The following RCOR1 variants were observed in gnomAD, a reference collection of about 807,000 sequenced individuals.
The protein encoded by RCOR1 is REST corepressor.
RCOR1 carries 12 observed loss-of-function variants against 64.0 expected under a neutral mutation model. That is an observed-to-expected ratio of 0.19 (90% CI 0.12 to 0.30). The LOEUF is 0.30. Among genes scored for constraint, RCOR1 ranks in the 10% least tolerant of loss-of-function variants. The pLI is 1.00. For synonymous variants in RCOR1, 279 were observed against 227.2 expected, an observed-to-expected ratio of 1.23 and a Z score of -2.05; for missense variants, 502 against 621.2, an observed-to-expected ratio of 0.81 and a Z score of 2.04.
At chr14:102,692,653 C>T (rs184205033) in intron 3 of RCOR1, among the ~76,000 whole-genome samples, 21 of 151,634 alleles carry the variant, frequency 1.4e-4, no homozygotes, top group South Asian at 4.2e-4. Context: ...AAAATTAAAC[C>T]GAGTTTTGAT....
At chr14:102,647,091 T>C (rs963131886) in intron 2 of RCOR1, among the ~76,000 whole-genome samples, 2 of 152,014 alleles carry the variant, frequency 1.3e-5, no homozygotes, top group African/African-American at 4.8e-5. Context: ...AAATCACAAA[T>C]CTCCACATTG....
At position 102,593,009 on chromosome 14, in the gene RCOR1, AGCCGCCACT is replaced by A. The variant is rs1420840474; in HGVS notation, c.130_138del (p.Thr44_Ala46del). The stretch of plus-strand genomic sequence containing the variant: ...CCGCCTCGGCCGCCTGCGCCTCGCC[AGCCGCCACT>A]GCCGCCTCGGGCGCCGCCGCCTCCT... On this transcript the variant is annotated inframe_deletion, in exon 1 of 12. Coordinates refer to ENST00000262241, the MANE Select transcript of RCOR1 (RefSeq NM_015156.4). The A allele has an allele frequency of 9.1e-5, 109 of 1,203,498 alleles. 1 individual carries two copies. Among genetic ancestry groups the A allele is most frequent in the Non-Finnish European group, 6.2e-6 (6 of 967,388 alleles). The allele number at this position is 1,203,498 out of a possible 1,614,324, so 74.6% of individuals were successfully genotyped here.
chr14:102,714,423 G>T lies in RCOR1; in HGVS notation c.859G>T (p.Val287Phe). Residue 287 changes from valine (V) to phenylalanine (F), a missense_variant and splice_region_variant, in exon 8 of 12, where the codon GTT becomes TTT. By Grantham distance (50) the Val-to-Phe change is conservative (BLOSUM62 -1). This residue lies in a region of RCOR1 where 260 missense variants were observed against 416.4 expected (regional missense o/e 0.62). Coordinates refer to ENST00000262241, the MANE Select transcript of RCOR1 (RefSeq NM_015156.4). ...TTCATCACCTGTGTATATCATGCAGGTTCCCCCTACTGAGACAGTTCCTCA... is the reference window on the plus strand; with the variant it reads ...TTCATCACCTGTGTATATCATGCAGTTTCCCCCTACTGAGACAGTTCCTCA... ...VDQNKESKKE[V>F]PPTETVPQVK... The T allele has an allele frequency of 6.3e-7, 1 of 1,594,490 alleles. No homozygotes were observed. Among genetic ancestry groups the T allele is most frequent in the Non-Finnish European group, 8.6e-7 (1 of 1,168,734 alleles).
intron 2 of RCOR1, among the ~76,000 whole-genome samples, chr14:102,676,805 C>T (rs1178943592): frequency 1.7e-4 from 14 of 84,264 alleles, no homozygotes; most frequent in African/African-American, 6.6e-4. Flanking sequence ...TAGGGGCGGC[C>T]GGGCAGAGGC....
intron 2 of RCOR1, among the ~76,000 whole-genome samples, chr14:102,607,665 C>T (rs185249835): frequency 9.0e-4 from 137 of 152,094 alleles, no homozygotes; most frequent in African/African-American, 2.8e-3. Flanking sequence ...GGGCAGATCA[C>T]GAGGTCAGGA....
intron 2 of RCOR1, chr14:102,657,109 T>C: frequency 1.0e-6 from 1 of 984,748 alleles, no homozygotes; most frequent in Admixed American, 6.2e-5. Context: ...TTTTTTTTTT[T>C]TCCTTATATA....
At chr14:102,648,855 A>C (rs1336541122) in intron 2 of RCOR1, among the ~76,000 whole-genome samples, 1 of 152,192 alleles carries the variant, frequency 6.6e-6, no homozygotes, top group Non-Finnish European at 1.5e-5. Context: ...GGATAAGGTG[A>C]AGGGAATTCT....
At chr14:102,702,493 TA>T (rs2139979428) in intron 4 of RCOR1, among the ~76,000 whole-genome samples, 1 of 149,850 alleles carries the variant, frequency 6.7e-6, no homozygotes, top group Admixed American at 6.6e-5. Context: ...AACATATAAA[TA>T]TATATAATTT....
At chr14:102,700,392 T>C (rs1895733295) in intron 3 of RCOR1, among the ~76,000 whole-genome samples, 1 of 152,168 alleles carries the variant, frequency 6.6e-6, no homozygotes, top group South Asian at 2.1e-4. Flanking sequence ...TGGCTAATTT[T>C]TGTATTTTTA....
intron 2 of RCOR1, among the ~76,000 whole-genome samples, chr14:102,665,446 A>G (rs1894900620): frequency 6.6e-6 from 1 of 151,586 alleles, no homozygotes. Context: ...TATTAAGTGC[A>G]TTTTTGGATT....
At position 102,728,210 on chromosome 14, in the gene RCOR1, A is replaced by G. The variant is rs537141200; in HGVS notation, c.*1704A>G. The G allele has an allele frequency of 2.6e-5, 4 of 152,164 alleles. No homozygotes were observed. Among genetic ancestry groups the G allele is most frequent in the Admixed American group, 2.6e-4 (4 of 15,278 alleles). 9.4% of individuals were successfully genotyped at this position (152,164 alleles called of 1,614,324 possible). A position where few individuals can be genotyped will look rare whatever the true frequency, so the allele number is the denominator to read the frequency against. On this transcript the variant is annotated 3_prime_UTR_variant, in exon 12 of 12. Transcript: ENST00000262241. ...ATAGTCTGGAGAGAAAGGTCATTCAAAAGGAAAGTACAATGGGACTTGCTG... is the reference window on the plus strand; with the variant it reads ...ATAGTCTGGAGAGAAAGGTCATTCAGAAGGAAAGTACAATGGGACTTGCTG...
At position 102,673,775 on chromosome 14, in the gene RCOR1, C is replaced by T. The variant is rs77599236; in HGVS notation, c.362-8120C>T. Reference sequence around the variant, plus strand: ...GGATTACAGGCATGTGCCACCATGCCTGGCTAATGTTGTGTTTTTAGTAGA... The same window carrying T: ...GGATTACAGGCATGTGCCACCATGCTTGGCTAATGTTGTGTTTTTAGTAGA... On this transcript the variant is annotated intron_variant, in intron 2 of 11. Transcript: ENST00000262241. Among the ~76,000 whole-genome samples, 29 of 152,216 alleles carry T rather than the reference C, an allele frequency of 1.9e-4. No homozygotes were observed. The South Asian group carries it at 5.4e-3, about 28-fold the overall frequency.
intron 2 of RCOR1, chr14:102,650,865 G>T (rs1250837393): frequency 5.6e-6 from 2 of 357,022 alleles, no homozygotes; most frequent in Non-Finnish European, 7.8e-6. Context: ...AAACTTACGG[G>T]ACTTGATTTA....
intron 2 of RCOR1, among the ~76,000 whole-genome samples, chr14:102,629,706 C>T (rs1311196643): frequency 6.6e-6 from 1 of 152,184 alleles, no homozygotes; most frequent in Admixed American, 6.5e-5. Flanking sequence ...AGGCACCTTG[C>T]AGCCTTCTCT....
intron 2 of RCOR1, among the ~76,000 whole-genome samples, chr14:102,653,451 G>A (rs1645864623): frequency 6.6e-6 from 1 of 152,172 alleles, no homozygotes; most frequent in South Asian, 2.1e-4. Flanking sequence ...GCTTCCCAAA[G>A]CGTTGGGATT....
intron 2 of RCOR1, among the ~76,000 whole-genome samples, chr14:102,678,075 C>T (rs1362931796): frequency 6.6e-6 from 1 of 150,474 alleles, no homozygotes; most frequent in Non-Finnish European, 1.5e-5. Flanking sequence ...TGGCGGCGCG[C>T]GCCTGCAATC....
At chr14:102,672,320 C>T (rs1823975805) in intron 2 of RCOR1, among the ~76,000 whole-genome samples, 1 of 152,066 alleles carries the variant, frequency 6.6e-6, no homozygotes. Context: ...CGCCATTTTC[C>T]TGCCTTAGCC....
At chr14:102,661,145 G>T (rs753909428) in intron 2 of RCOR1, among the ~76,000 whole-genome samples, 1 of 152,110 alleles carries the variant, frequency 6.6e-6, no homozygotes, top group Admixed American at 6.5e-5. Flanking sequence ...CCAGGAATTC[G>T]AGACCAGCCT....
At chr14:102,726,437 CTT>C (rs372942415) in intron 11 of RCOR1, 29 bp from the exon 12 acceptor site, 24,719 of 1,324,134 alleles carry the variant, frequency 0.019, no homozygotes, top group Admixed American at 0.022. Flanking sequence ...CTCTTTGATC[CTT>C]TTTTTTTTTT....
Sources: allele counts gnomAD v4.1 joint callset (sites outside exome capture counted in the v4.1 genomes callset), GRCh38; gene constraint gnomAD v4.1.1; regional missense constraint gnomAD v4.1.1; transcripts MANE v1.5; gene names NCBI Gene and HGNC (gene_info 2026-07-23, HGNC 2026-07-21).